ADAM12: variants seen among roughly 807,000 people sequenced by gnomAD.
The protein encoded by ADAM12 is ADAM metallopeptidase domain 12.
In ADAM12, 70 loss-of-function variants were observed where a neutral mutation model predicts 106.4. The observed-to-expected ratio is 0.66, with a 90% CI of 0.54 to 0.80. The LOEUF is 0.80. Among genes scored for constraint, ADAM12 ranks in the 30% least tolerant of loss-of-function variants. The pLI is 0.00. For missense variants in ADAM12, 1,010 were observed against 1,171.9 expected, an observed-to-expected ratio of 0.86 and a Z score of 2.02; for synonymous variants, 420 against 433.5, an observed-to-expected ratio of 0.97 and a Z score of 0.39.
Position 126,162,432 on chromosome 10 carries a change from C to G in ADAM12, c.261-7127G>C, listed in dbSNP as rs11244855. 2.0e-5 allele frequency among the ~76,000 whole-genome samples: 3 copies of G among 152,084 alleles called. No individual in the cohort carries two copies. In the East Asian group the frequency reaches 5.8e-4, roughly 29 times the overall value. ...TGACACGGATGCCAGGTGGTCAGGGCGCAGGGCCTGAGGCAGGGAGACCCG... is the reference window on the plus strand; with the variant it reads ...TGACACGGATGCCAGGTGGTCAGGGGGCAGGGCCTGAGGCAGGGAGACCCG... On this transcript the variant is annotated intron_variant, in intron 3 of 22. Coordinates refer to ENST00000448723, the MANE Select transcript of ADAM12 (RefSeq NM_001288973.2).
At chr10:126,220,995 C>A (rs1469108774) in intron 3 of ADAM12, among the ~76,000 whole-genome samples, 2 of 152,236 alleles carry the variant, frequency 1.3e-5, no homozygotes, top group Non-Finnish European at 2.9e-5. Flanking sequence ...AAAGCCTCTC[C>A]ACATCATTGG....
chr10:126,227,155 T>C (rs1230990841), intron 3 of ADAM12, among the ~76,000 whole-genome samples: 2 of 151,818 alleles, frequency 1.3e-5, no homozygotes, highest in African/African-American at 4.8e-5. Flanking sequence ...CCATTGTCAC[T>C]ACCATCACCA....
chr10:126,092,641 TAC>T (rs1363795947), intron 11 of ADAM12, among the ~76,000 whole-genome samples: 2 of 152,236 alleles, frequency 1.3e-5, no homozygotes, highest in Admixed American at 6.5e-5. Flanking sequence ...TTTCTGTCAT[TAC>T]ACACTCACAA....
In ADAM12 at chr10:126,066,591, G is replaced by A. The variant is rs544308973; in HGVS notation, c.1413+126C>T. The A allele has an allele frequency of 4.5e-4, 376 of 838,114 alleles. 1 individual carries two copies. Among genetic ancestry groups the A allele is most frequent in the Non-Finnish European group, 6.9e-4 (355 of 513,824 alleles). 51.9% of individuals were successfully genotyped at this position (838,114 alleles called of 1,614,324 possible). ...GGGTAACACCAACTGGCGTGAGAAG[G>A]AGGGATGGTGCGTGCTGTGGTGAGT... On this transcript the variant is annotated intron_variant, in intron 13 of 22. Transcript: ENST00000448723. This position sits in a 1 kb window ranked among gnomAD's most constrained non-coding sequence, Gnocchi z 5.1.
chr10:126,220,091 T>A (rs1227649688), intron 3 of ADAM12, among the ~76,000 whole-genome samples: 5 of 152,168 alleles, frequency 3.3e-5, no homozygotes, highest in Admixed American at 2.6e-4. Context: ...AGAGGTCTCC[T>A]TCAAGGATGA....
chr10:126,054,289 C>A (rs1272294639), intron 14 of ADAM12, among the ~76,000 whole-genome samples: 1 of 152,196 alleles, frequency 6.6e-6, no homozygotes. Context: ...GAAGTCACAG[C>A]CGAAGAATAA....
intron 2 of ADAM12, among the ~76,000 whole-genome samples, chr10:126,297,544 T>C (rs975415398): frequency 1.3e-5 from 2 of 152,144 alleles, no homozygotes; most frequent in Non-Finnish European, 2.9e-5. Flanking sequence ...AGCAAGGCCC[T>C]GTCTCAGGAA....
At chr10:126,285,494 C>T in intron 2 of ADAM12, among the ~76,000 whole-genome samples, 1 of 152,076 alleles carries the variant, frequency 6.6e-6, no homozygotes, top group East Asian at 1.9e-4. Context: ...GGCTGATGTC[C>T]CAGTTTATTA....
At position 126,125,703 on chromosome 10, in the gene ADAM12, A is replaced by G. The variant is rs1956195169; in HGVS notation, c.417-7479T>C. On this transcript the variant is annotated intron_variant, in intron 5 of 22. Transcript: ENST00000448723. The stretch of plus-strand genomic sequence containing the variant: ...CCAGAAAAGATATGTTTAAGTCCTA[A>G]TCTCTGGACCTGTGAACGTGACCTT... 4.0e-5 allele frequency among the ~76,000 whole-genome samples: 6 copies of G among 151,842 alleles called. No homozygotes were observed. The South Asian group carries it at 1.2e-3, about 32-fold the overall frequency.
intron 21 of ADAM12, among the ~76,000 whole-genome samples, chr10:126,020,137 G>A (rs962548128): frequency 2.6e-5 from 4 of 152,190 alleles, no homozygotes; most frequent in Admixed American, 2.0e-4. Context: ...TGTGCTTTTA[G>A]TTAGGCGGCT....
At chr10:126,160,671 G>C (rs1020078339) in intron 3 of ADAM12, among the ~76,000 whole-genome samples, 1 of 152,168 alleles carries the variant, frequency 6.6e-6, no homozygotes, top group African/African-American at 2.4e-5. Context: ...GTCCTGCTTG[G>C]AGATCATGCT....
At chr10:126,052,797 C>T (rs1237603977) in intron 14 of ADAM12, among the ~76,000 whole-genome samples, 1 of 152,162 alleles carries the variant, frequency 6.6e-6, no homozygotes, top group East Asian at 1.9e-4. Flanking sequence ...GATAGGAAGT[C>T]AAGCAAAGGC....
chr10:126,208,852 G>GTTTTTTTT (rs5788775), intron 3 of ADAM12, among the ~76,000 whole-genome samples: 2 of 145,734 alleles, frequency 1.4e-5, no homozygotes. Flanking sequence ...AAAAAAGAAA[G>GTTTTTTTT]TTTTTTTTTT....
chr10:126,271,961 TTTA>T (rs776437968), intron 3 of ADAM12, among the ~76,000 whole-genome samples: 7 of 152,206 alleles, frequency 4.6e-5, no homozygotes, highest in Non-Finnish European at 7.4e-5. Flanking sequence ...AAGCTGGACA[TTTA>T]CTTCTGCTCT....
chr10:126,385,300 C>T (rs1057073339), intron 1 of ADAM12, among the ~76,000 whole-genome samples: 3 of 152,124 alleles, frequency 2.0e-5, no homozygotes, highest in African/African-American at 2.4e-5. Flanking sequence ...ACACCATTGG[C>T]GATCAAGTCA....
chr10:126,158,579 CGGGGGTGGGGATG>C (rs1390484286), intron 3 of ADAM12, among the ~76,000 whole-genome samples: 2 of 64,470 alleles, frequency 3.1e-5, no homozygotes, highest in Non-Finnish European at 6.0e-5. Flanking sequence ...TGCACAGAGC[CGGGGGTGGGGATG>C]CAGAGAGCAG....
intron 2 of ADAM12, among the ~76,000 whole-genome samples, chr10:126,328,176 C>T (rs924429987): frequency 1.3e-5 from 2 of 152,196 alleles, no homozygotes; most frequent in Non-Finnish European, 2.9e-5. Flanking sequence ...CTTACTGCAA[C>T]GTAAGTTGCA....
At chr10:126,065,028 C>A (rs1356260681) in intron 13 of ADAM12, 27 bp from the exon 14 acceptor site, 4 of 1,587,224 alleles carry the variant, frequency 2.5e-6, no homozygotes, top group Non-Finnish European at 3.4e-6. Flanking sequence ...ATTTATGACA[C>A]ATGCACCCGG....
chr10:126,210,438 A>G (rs1313186276), intron 3 of ADAM12, among the ~76,000 whole-genome samples: 1 of 152,160 alleles, frequency 6.6e-6, no homozygotes, highest in Non-Finnish European at 1.5e-5. Context: ...GCAGGTCCCA[A>G]TCCAGGAGGA....
Sources: gnomAD v4.1 joint callset for allele counts (sites outside exome capture counted in the v4.1 genomes callset) on GRCh38, gnomAD v4.1.1 for gene constraint, Gnocchi (gnomAD v3.1) non-coding constraint, MANE v1.5 for transcripts, NCBI Gene and HGNC (gene_info 2026-07-23, HGNC 2026-07-21) for gene names.